ZCCHC24: variants seen among roughly 807,000 people sequenced by gnomAD.
ZCCHC24 encodes zinc finger CCHC domain-containing protein 24.
A neutral mutation model predicts 26.2 loss-of-function variants in ZCCHC24; 10 were observed. The ratio of observed to expected loss-of-function variants is 0.38; its 90% CI spans 0.24 to 0.65. The LOEUF is 0.65. Ranked by LOEUF, ZCCHC24 falls within the 30% of genes least tolerant of loss-of-function variation. The pLI is 0.54. For synonymous variants in ZCCHC24, 144 were observed against 147.1 expected (o/e 0.98, Z 0.15); for missense variants, 243 against 329.1 (o/e 0.74, Z 2.03).
At chr10:79,428,586 A>G (rs1261005448) in intron 2 of ZCCHC24, among the ~76,000 whole-genome samples, 1 of 152,208 alleles carries the variant, frequency 6.6e-6, no homozygotes, top group Non-Finnish European at 1.5e-5. Flanking sequence ...TAAGATGGTA[A>G]ATTTTATGCC....
chr10:79,416,354 G>A (rs572649062), intron 2 of ZCCHC24, among the ~76,000 whole-genome samples: 27 of 152,284 alleles, frequency 1.8e-4, no homozygotes, highest in African/African-American at 6.3e-4. Context: ...CAAACGCGTT[G>A]GTAATGAGTG....
chr10:79,445,157 CGGT>C, intron 1 of ZCCHC24, 35 bp downstream of exon 1: 5 of 669,658 alleles, frequency 7.5e-6, no homozygotes, highest in Non-Finnish European at 6.9e-6. Flanking sequence ...GGCGGTGGGG[CGGT>C]GGGGCGGTGG....
chr10:79,434,541 T>C (rs1857187852), intron 1 of ZCCHC24, among the ~76,000 whole-genome samples: 1 of 152,172 alleles, frequency 6.6e-6, no homozygotes, highest in African/African-American at 2.4e-5. Flanking sequence ...ATTTTACACG[T>C]ATTCAGATAG....
chr10:79,393,403 G>A (rs1183075139), intron 3 of ZCCHC24, among the ~76,000 whole-genome samples: 2 of 152,154 alleles, frequency 1.3e-5, no homozygotes, highest in Admixed American at 6.5e-5. Context: ...TGCCTGGGGT[G>A]GGACTGTTCT....
intron 2 of ZCCHC24, among the ~76,000 whole-genome samples, chr10:79,404,207 G>A (rs1358896296): frequency 6.6e-6 from 1 of 152,190 alleles, no homozygotes; most frequent in African/African-American, 2.4e-5. Context: ...CCAGCCCTGT[G>A]CCCGGCCCTG....
chr10:79,421,610 T>A (rs1054769079), intron 2 of ZCCHC24, among the ~76,000 whole-genome samples: 1 of 152,152 alleles, frequency 6.6e-6, no homozygotes, highest in African/African-American at 2.4e-5. Context: ...CCTCCCTGTA[T>A]GCATTTTTTA....
intron 1 of ZCCHC24, among the ~76,000 whole-genome samples, chr10:79,438,764 G>A (rs1160063830): frequency 6.6e-6 from 1 of 152,214 alleles, no homozygotes; most frequent in Non-Finnish European, 1.5e-5. Context: ...GAAAGGGGGA[G>A]CAGACAGTGC....
rs551119215 is a variant in ZCCHC24, at chr10:79,444,480, C to G, written c.246+715G>C. On this transcript the variant is annotated intron_variant, in intron 1 of 3. Transcript: ENST00000372336. ...GGGCAGCTGGAACCTCTCCCCCCCC[C>G]TTTCTAGCCCCCCTCCCAAGAGCTC... Among the ~76,000 whole-genome samples the G allele has an allele frequency of 2.5e-3, 367 of 149,236 alleles. 2 individuals carry two copies. Among genetic ancestry groups the G allele is most frequent in the Middle Eastern group, 0.021 (6 of 284 alleles).
At chr10:79,429,574 C>A (rs999113930) in intron 2 of ZCCHC24, among the ~76,000 whole-genome samples, 2 of 152,010 alleles carry the variant, frequency 1.3e-5, no homozygotes, top group Admixed American at 6.6e-5. Flanking sequence ...GAGCTAGACT[C>A]TGTCTCAAAA....
intron 2 of ZCCHC24, among the ~76,000 whole-genome samples, chr10:79,396,352 A>T (rs142738349): frequency 2.2e-4 from 34 of 152,334 alleles, no homozygotes; most frequent in East Asian, 2.1e-3. Flanking sequence ...AAGTTGAATG[A>T]GTTACCCTAA....
chr10:79,427,997 A>G (rs941633178), intron 2 of ZCCHC24, among the ~76,000 whole-genome samples: 5 of 152,218 alleles, frequency 3.3e-5, no homozygotes, highest in African/African-American at 1.2e-4. Flanking sequence ...AACTAAATCT[A>G]AAGCAAGCTG....
intron 1 of ZCCHC24, among the ~76,000 whole-genome samples, chr10:79,434,162 C>T (rs996163656): frequency 3.1e-4 from 47 of 152,292 alleles, no homozygotes; most frequent in African/African-American, 1.1e-3. Context: ...GCCTGGGATG[C>T]GGAAGGAAAG....
chr10:79,386,449 C>G lies in ZCCHC24; in HGVS notation c.622G>C (p.Glu208Gln). Reference sequence around the variant, plus strand: ...GACACGTCCAGGCCGTCGGGCTTCTCCAGGGGTCTCTGCAGAGAGAAGGAG... The same window carrying G: ...GACACGTCCAGGCCGTCGGGCTTCTGCAGGGGTCTCTGCAGAGAGAAGGAG... ...NVYPHKQRPL[E>Q]KPDGLDVSDQ... The change falls in exon 4 of 4, where the codon GAG becomes CAG. Residue 208 changes from glutamate to glutamine, a missense_variant. By Grantham distance (29) the Glu-to-Gln change is conservative (BLOSUM62 2). Around this residue, in one of 2 missense-constraint regions of ZCCHC24, gnomAD observed 96 missense variants for 178.3 expected, o/e 0.54. Coordinates refer to ENST00000372336, the MANE Select transcript of ZCCHC24 (RefSeq NM_153367.4). The G allele has an allele frequency of 6.3e-7, 1 of 1,597,130 alleles. No homozygotes were observed. The highest frequency in any genetic ancestry group is 8.6e-7 in the Non-Finnish European group (1 of 1,167,002).
intron 2 of ZCCHC24, among the ~76,000 whole-genome samples, chr10:79,423,214 C>G (rs1301405093): frequency 6.6e-6 from 1 of 152,108 alleles, no homozygotes; most frequent in Admixed American, 6.5e-5. Flanking sequence ...ACCCTAGGCA[C>G]TTTTGCCTTT....
intron 1 of ZCCHC24, among the ~76,000 whole-genome samples, chr10:79,443,272 C>T (rs532444652): frequency 4.1e-4 from 63 of 152,166 alleles, no homozygotes; most frequent in Non-Finnish European, 6.2e-4. Context: ...CGGTTGGGAT[C>T]CTGGATGCCA....
intron 2 of ZCCHC24, among the ~76,000 whole-genome samples, chr10:79,429,898 C>T (rs145473508): frequency 1.3e-5 from 2 of 152,212 alleles, no homozygotes; most frequent in African/African-American, 4.8e-5. Flanking sequence ...CACTGAGCAC[C>T]GCTGCGTGTG....
In ZCCHC24 at chr10:79,394,410, A is replaced by G. The variant is rs1366182363; in HGVS notation, c.478T>C (p.Tyr160His). ...CCGAAGCAGCGCTTTTTGCCCTGGT[A>G]TGGAGTCAGGCCCTCGCCTTTGGGG... is the stretch of plus-strand genomic sequence containing the variant. ...ARPKGEGLTP[Y>H]QGKKRCFGEY... The change falls in exon 3 of 4, where the codon TAC (tyrosine) becomes CAC (histidine). Residue 160 changes from tyrosine (Y) to histidine (H), a missense_variant. Physicochemically the swap from Tyr to His is moderately conservative, Grantham distance 83. Transcript: ENST00000372336. 1 of 1,614,234 alleles carries G rather than the reference A, an allele frequency of 6.2e-7. No individual in the cohort carries two copies.
rs188302610 is a variant in ZCCHC24, at chr10:79,402,255, A to G, written c.448-7815T>C. Among the ~76,000 whole-genome samples the G allele has an allele frequency of 1.7e-3, 254 of 152,234 alleles. No individual in the cohort carries two copies. The Middle Eastern group carries it at 0.031, about 18-fold the overall frequency. On this transcript the variant is annotated intron_variant, in intron 2 of 3. Coordinates refer to ENST00000372336, the MANE Select transcript of ZCCHC24 (RefSeq NM_153367.4). ...CCTGGCTCTCCCACGCCTGTCTTAG[A>G]TACTTGGTTTTTCTTTTTTTTTCTT... is the stretch of plus-strand genomic sequence containing the variant.
At chr10:79,437,564 C>T (rs758979080) in intron 1 of ZCCHC24, among the ~76,000 whole-genome samples, 4 of 152,214 alleles carry the variant, frequency 2.6e-5, no homozygotes, top group Non-Finnish European at 5.9e-5. Flanking sequence ...CTCTACATGG[C>T]CTCCAAGGCT....
Sources: allele counts gnomAD v4.1 joint callset (sites outside exome capture counted in the v4.1 genomes callset), GRCh38; gene constraint gnomAD v4.1.1; regional missense constraint gnomAD v4.1.1; transcripts MANE v1.5; gene names NCBI Gene and HGNC (gene_info 2026-07-23, HGNC 2026-07-21).